TTBK2: variants seen among roughly 807,000 people sequenced by gnomAD.
The protein encoded by TTBK2 is tau tubulin kinase 2.
A neutral mutation model predicts 110.8 loss-of-function variants in TTBK2; 28 were observed. The ratio of observed to expected loss-of-function variants is 0.25; its 90% CI spans 0.19 to 0.35. The LOEUF is 0.35. TTBK2 is among the 10% of genes least tolerant of loss of function. The pLI, the probability that TTBK2 is intolerant of heterozygous loss-of-function variation, is 1.00. For missense variants in TTBK2, 1,369 were observed against 1,500.3 expected, an observed-to-expected ratio of 0.91 and a Z score of 1.45; for synonymous variants, 532 against 527.3, an observed-to-expected ratio of 1.01 and a Z score of -0.12.
chr15:42,815,958 A>AAAAAAATATATATATATATAT (rs71108183), intron 7 of TTBK2, among the ~76,000 whole-genome samples: 4 of 91,692 alleles, frequency 4.4e-5, no homozygotes, highest in South Asian at 3.4e-4. Context: ...TTAAAAAAAA[A>AAAAAAATATATATATATATAT]ATATATATAT....
chr15:42,850,884 G>A (rs1380981063), intron 3 of TTBK2, among the ~76,000 whole-genome samples: 1 of 151,906 alleles, frequency 6.6e-6, no homozygotes, highest in Non-Finnish European at 1.5e-5. Flanking sequence ...TACCCAAAGT[G>A]TGAGAAAAAA....
intron 13 of TTBK2, among the ~76,000 whole-genome samples, chr15:42,759,800 C>G (rs1163103810): frequency 1.3e-5 from 2 of 152,108 alleles, no homozygotes; most frequent in South Asian, 2.1e-4. Flanking sequence ...TTTGGAGAGT[C>G]AACTGTTCTA....
intron 2 of TTBK2, among the ~76,000 whole-genome samples, chr15:42,875,455 T>C (rs191088064): frequency 1.3e-5 from 2 of 152,266 alleles, no homozygotes; most frequent in African/African-American, 4.8e-5. Flanking sequence ...CAATGTGACC[T>C]TGCTACTCCC....
intron 5 of TTBK2, among the ~76,000 whole-genome samples, chr15:42,828,463 C>A (rs1892619729): frequency 6.6e-6 from 1 of 151,324 alleles, no homozygotes; most frequent in African/African-American, 2.4e-5. Context: ...CGCCTATACT[C>A]CCAGCATTTT....
At chr15:42,751,754 G>GA (rs2061868622) in intron 14 of TTBK2, among the ~76,000 whole-genome samples, 1 of 151,958 alleles carries the variant, frequency 6.6e-6, no homozygotes, top group Non-Finnish European at 1.5e-5. Flanking sequence ...AAAAACAAAC[G>GA]AAACAAAAGA....
At chr15:42,892,657 AT>A (rs1596030478) in intron 1 of TTBK2, among the ~76,000 whole-genome samples, 1 of 132,328 alleles carries the variant, frequency 7.6e-6, no homozygotes, top group East Asian at 2.5e-4. Context: ...GTGAGCTGTG[AT>A]TGTAAGACTG....
At chr15:42,794,920 G>C in intron 9 of TTBK2, 119 bp from the exon 10 acceptor site, 1 of 1,401,442 alleles carries the variant, frequency 7.1e-7, no homozygotes, top group South Asian at 1.2e-5. Context: ...TTTAAAAACT[G>C]ATGGCTCAAA....
rs1337796728 is a variant in TTBK2, at chr15:42,746,115, T to G, written c.3415A>C (p.Thr1139Pro). Residue 1139 changes from threonine (T) to proline (P), a missense_variant, in exon 15 of 15, where the codon ACA becomes CCA. Coordinates refer to ENST00000267890, the MANE Select transcript of TTBK2 (RefSeq NM_173500.4). ...KSPGSPHNPKTPPKSPVVPRR... is the reference protein window; with the variant it reads ...KSPGSPHNPKPPPKSPVVPRR... ...GGGACAACTGGACTCTTGGGTGGTGTTTTTGGATTGTGAGGAGATCCTGGA... is the reference window on the plus strand; with the variant it reads ...GGGACAACTGGACTCTTGGGTGGTGGTTTTGGATTGTGAGGAGATCCTGGA... The G allele has an allele frequency of 6.2e-7, 1 of 1,613,848 alleles. No individual in the cohort carries two copies. Among genetic ancestry groups the G allele is most frequent in the African/African-American group, 1.3e-5 (1 of 74,848 alleles).
At chr15:42,779,619 G>A (rs1210018619) in intron 11 of TTBK2, among the ~76,000 whole-genome samples, 1 of 152,132 alleles carries the variant, frequency 6.6e-6, no homozygotes, top group East Asian at 1.9e-4. Context: ...TTTCAGAAAT[G>A]AAAGGAAATG....
intron 10 of TTBK2, among the ~76,000 whole-genome samples, chr15:42,791,422 T>C (rs1890677618): frequency 6.6e-6 from 1 of 152,208 alleles, no homozygotes; most frequent in Non-Finnish European, 1.5e-5. Flanking sequence ...CTGTTATTTC[T>C]TCTCTGCCTT....
chr15:42,751,839 G>A, intron 14 of TTBK2, 135 bp downstream of exon 14: 2 of 1,094,770 alleles, frequency 1.8e-6, no homozygotes, highest in Non-Finnish European at 2.8e-6. Flanking sequence ...GCACTAGGCT[G>A]TAAGGCCTGG....
At chr15:42,862,031 A>T (rs1232027795) in intron 3 of TTBK2, among the ~76,000 whole-genome samples, 1 of 152,160 alleles carries the variant, frequency 6.6e-6, no homozygotes, top group Non-Finnish European at 1.5e-5. Context: ...CTAATATTAA[A>T]CCAGGAAGAA....
chr15:42,805,361 C>T (rs1891416529), intron 9 of TTBK2, among the ~76,000 whole-genome samples: 1 of 152,074 alleles, frequency 6.6e-6, no homozygotes, highest in South Asian at 2.1e-4. Flanking sequence ...GAAACTACTC[C>T]AGTATGGAAT....
At chr15:42,914,334 CTAATA>C (rs1485413483) in intron 1 of TTBK2, among the ~76,000 whole-genome samples, 2 of 152,032 alleles carry the variant, frequency 1.3e-5, no homozygotes, top group African/African-American at 2.4e-5. Context: ...ATAATATATC[CTAATA>C]TATTATATCC....
rs775174418 is a variant in TTBK2, at chr15:42,880,437, A to G, written c.-67-1753T>C. Among the ~76,000 whole-genome samples the G allele has an allele frequency of 2.6e-5, 4 of 152,096 alleles. No individual in the cohort carries two copies. In the East Asian group the frequency reaches 7.7e-4, roughly 29 times the overall value. On this transcript the variant is annotated intron_variant, in intron 1 of 14. Transcript: ENST00000267890. ...AGTCTTGCTCTGTCACCCAGGTTGG[A>G]GTGCAGTGGTGCAATCATAGCTCAT... is the stretch of plus-strand genomic sequence containing the variant.
intron 13 of TTBK2, among the ~76,000 whole-genome samples, chr15:42,760,044 C>T (rs2140648452): frequency 6.6e-6 from 1 of 152,118 alleles, no homozygotes; most frequent in Non-Finnish European, 1.5e-5. Context: ...ATGAGAAATT[C>T]AACAGAAATA....
chr15:42,814,051 G>C (rs1024578615), intron 7 of TTBK2, among the ~76,000 whole-genome samples: 4 of 151,906 alleles, frequency 2.6e-5, no homozygotes, highest in Admixed American at 2.6e-4. Context: ...ACAGAGTCTC[G>C]TTGTCGTCAG....
At chr15:42,880,700 T>C (rs2141137603) in intron 1 of TTBK2, among the ~76,000 whole-genome samples, 1 of 152,260 alleles carries the variant, frequency 6.6e-6, no homozygotes, top group Admixed American at 6.5e-5. Flanking sequence ...GGTCGGGCAG[T>C]TTGTTTCATT....
intron 5 of TTBK2, among the ~76,000 whole-genome samples, chr15:42,829,568 G>GGCTGGAGTGCAGTGGCTATCC (rs1555429176): frequency 6.6e-6 from 1 of 152,176 alleles, no homozygotes; most frequent in African/African-American, 2.4e-5. Flanking sequence ...ATGCTGCCCA[G>GGCTGGAGTGCAGTGGCTATCC]GCTGGAGTGC....
Sources: allele counts gnomAD v4.1 joint callset (sites outside exome capture counted in the v4.1 genomes callset), GRCh38; gene constraint gnomAD v4.1.1; transcripts MANE v1.5; gene names NCBI Gene and HGNC (gene_info 2026-07-23, HGNC 2026-07-21).